Variants in GPHN observed in about 807,000 individuals in gnomAD.
GPHN encodes gephyrin.
GPHN carries 17 observed loss-of-function variants against 95.5 expected under a neutral mutation model. The ratio of observed to expected loss-of-function variants is 0.18; its 90% CI spans 0.12 to 0.27. The LOEUF is 0.27. Among genes scored for constraint, GPHN ranks in the 10% least tolerant of loss-of-function variants. The pLI, the probability that GPHN is intolerant of heterozygous loss-of-function variation, is 1.00. For missense variants in GPHN, 660 were observed against 978.1 expected (o/e 0.67, Z 4.34); for synonymous variants, 320 against 322.5 (o/e 0.99, Z 0.08).
the GPHN span, chr14:67,586,946 C>T: frequency 3.2e-6 from 5 of 1,544,002 alleles, no homozygotes; most frequent in African/African-American, 1.4e-5. Flanking sequence ...ATATTTTCTC[C>T]CAGGTGGGTA....
intron 8 of GPHN, among the ~76,000 whole-genome samples, chr14:66,946,792 A>G (rs371842524): frequency 1.3e-5 from 2 of 152,308 alleles, no homozygotes; most frequent in Admixed American, 6.5e-5. Context: ...GCTACTCTAA[A>G]TGCCATTTTA....
chr14:67,079,773 G>A (rs527325585), intron 11 of GPHN, among the ~76,000 whole-genome samples: 20 of 152,032 alleles, frequency 1.3e-4, no homozygotes, highest in South Asian at 2.1e-4. Context: ...TCCCTCTAGC[G>A]TCTGATAACT....
chr14:67,555,556 C>T, the GPHN span, among the ~76,000 whole-genome samples: 1 of 152,170 alleles, frequency 6.6e-6, no homozygotes, highest in Non-Finnish European at 1.5e-5. Flanking sequence ...CCTCCCCGGA[C>T]ACCCTCCATC....
chr14:66,873,475 C>T (rs914847343), intron 4 of GPHN, among the ~76,000 whole-genome samples: 1 of 152,152 alleles, frequency 6.6e-6, no homozygotes, highest in Non-Finnish European at 1.5e-5. Flanking sequence ...CTCAGCAGAT[C>T]CCACCCACAC....
intron 2 of GPHN, among the ~76,000 whole-genome samples, chr14:66,757,195 A>C (rs1298468909): frequency 2.0e-5 from 3 of 152,210 alleles, no homozygotes; most frequent in Non-Finnish European, 4.4e-5. Context: ...ATTTTATTTG[A>C]ACTAAAGTTG....
chr14:67,039,522 A>G (rs1232860114), intron 10 of GPHN, among the ~76,000 whole-genome samples: 2 of 152,296 alleles, frequency 1.3e-5, no homozygotes, highest in South Asian at 2.1e-4. Flanking sequence ...GGCCAGGTGC[A>G]GTGGCTTGTG....
intron 3 of GPHN, among the ~76,000 whole-genome samples, chr14:66,792,266 C>A (rs1247152295): frequency 6.6e-6 from 1 of 151,952 alleles, no homozygotes; most frequent in Non-Finnish European, 1.5e-5. Flanking sequence ...GGTTCAAACA[C>A]CTCTGACAGG....
At chr14:67,347,159 A>G in the GPHN span, among the ~76,000 whole-genome samples, 1 of 151,890 alleles carries the variant, frequency 6.6e-6, no homozygotes, top group African/African-American at 2.4e-5. Context: ...GATTTTTTAT[A>G]TTTTTTGTAG....
At chr14:67,046,587 A>C (rs1029193851) in intron 10 of GPHN, among the ~76,000 whole-genome samples, 1 of 152,174 alleles carries the variant, frequency 6.6e-6, no homozygotes, top group Non-Finnish European at 1.5e-5. Context: ...AGCAATGCCT[A>C]TTTTATCATC....
chr14:67,586,740 T>C, the GPHN span: 1 of 1,208,268 alleles, frequency 8.3e-7, no homozygotes, highest in African/African-American at 1.6e-5. Flanking sequence ...ACTCCTCCTT[T>C]AATACCACCC....
intron 2 of GPHN, among the ~76,000 whole-genome samples, chr14:66,736,187 G>A (rs2072249303): frequency 6.6e-6 from 1 of 151,764 alleles, no homozygotes; most frequent in South Asian, 2.1e-4. Flanking sequence ...TATTATTCAT[G>A]CAAGTTTTTC....
At chr14:67,289,768 C>CTTTTTTTTTTTTTTTTT in the GPHN span, among the ~76,000 whole-genome samples, 6 of 95,508 alleles carry the variant, frequency 6.3e-5, 3 homozygotes, top group Non-Finnish European at 8.5e-5. Context: ...TTTTCCATGT[C>CTTTTTTTTTTTTTTTTT]CTTTTTTTTT....
chr14:67,590,159 C>T, the GPHN span: 14 of 1,550,342 alleles, frequency 9.0e-6, no homozygotes, highest in East Asian at 1.5e-4. Context: ...GCAGTCCAGC[C>T]GGGGCTTGGC....
chr14:67,723,771 G>T, the GPHN span, among the ~76,000 whole-genome samples: 2 of 152,250 alleles, frequency 1.3e-5, no homozygotes, highest in Middle Eastern at 3.2e-3. Context: ...CAGATGATGT[G>T]CAGGAAATGT....
intron 9 of GPHN, among the ~76,000 whole-genome samples, chr14:67,006,804 C>A (rs2072642779): frequency 6.6e-6 from 1 of 152,010 alleles, no homozygotes; most frequent in Admixed American, 6.6e-5. Flanking sequence ...GCCAGTGAGA[C>A]CTGAAAGAGA....
the GPHN span, chr14:67,359,928 C>T: frequency 1.8e-6 from 1 of 564,804 alleles, no homozygotes; most frequent in African/African-American, 1.9e-5. Flanking sequence ...TCGAGGCGCG[C>T]GCACCGCGGA....
At chr14:66,937,806 G>A (rs1287042342) in intron 8 of GPHN, among the ~76,000 whole-genome samples, 1 of 152,126 alleles carries the variant, frequency 6.6e-6, no homozygotes, top group East Asian at 1.9e-4. Context: ...AAAAGTAATT[G>A]CGGTTTTTGC....
At chr14:67,483,187 T>G in the GPHN span, among the ~76,000 whole-genome samples, 1 of 152,094 alleles carries the variant, frequency 6.6e-6, no homozygotes, top group African/African-American at 2.4e-5. Context: ...ATTTTTGTAT[T>G]TTTAGTAAAG....
intron 17 of GPHN, among the ~76,000 whole-genome samples, chr14:67,142,564 C>A (rs1458140940): frequency 6.6e-6 from 1 of 152,172 alleles, no homozygotes; most frequent in Admixed American, 6.5e-5. Flanking sequence ...ATATTAATAT[C>A]CTATATGAGT....
Sources: allele counts gnomAD v4.1 joint callset (sites outside exome capture counted in the v4.1 genomes callset), GRCh38; gene constraint gnomAD v4.1.1; transcripts MANE v1.5; gene names NCBI Gene and HGNC (gene_info 2026-07-23, HGNC 2026-07-21).